The following AKR1C2 variants were observed in gnomAD, a reference collection of about 807,000 sequenced individuals.
The protein encoded by AKR1C2 is 3-alpha-HSD3.
In AKR1C2, 27 loss-of-function variants were observed where a neutral mutation model predicts 39.8. The ratio of observed to expected loss-of-function variants is 0.68; its 90% CI spans 0.50 to 0.93. The LOEUF is 0.93. Ranked by LOEUF, AKR1C2 falls within the 40% of genes least tolerant of loss-of-function variation. The probability of loss-of-function intolerance (pLI) is 0.00; values close to 1 mark genes in which losing one functional copy is unlikely to be tolerated. For missense variants in AKR1C2, 263 were observed against 365.1 expected, an observed-to-expected ratio of 0.72 and a Z score of 2.28; for synonymous variants, 114 against 137.9, an observed-to-expected ratio of 0.83 and a Z score of 1.22.
chr10:4,993,265 C>G (rs552161969), intron 7 of AKR1C2, among the ~76,000 whole-genome samples: 1 of 152,154 alleles, frequency 6.6e-6, no homozygotes, highest in Admixed American at 6.5e-5. Flanking sequence ...GGAAGTGAAA[C>G]TTACTTTTTA....
chr10:5,012,928 C>G lies in AKR1C2; in HGVS notation c.-88+4972G>C, dbSNP rs566936808. Among the ~76,000 whole-genome samples the G allele has an allele frequency of 2.6e-5, 4 of 152,304 alleles. No homozygotes were observed. In the South Asian group the frequency reaches 8.3e-4, roughly 32 times the overall value. ...TTCATTGTTTTCTTCAGGGACTTCTCAATTGTCTGGTGTATTTATAACCCA... is the reference window on the plus strand; with the variant it reads ...TTCATTGTTTTCTTCAGGGACTTCTGAATTGTCTGGTGTATTTATAACCCA... On this transcript the variant is annotated intron_variant, in intron 1 of 6. Coordinates refer to the AKR1C2 transcript ENST00000604507.
chr10:5,007,990 CAG>C (rs1837439121), upstream of AKR1C2, among the ~76,000 whole-genome samples: 1 of 151,262 alleles, frequency 6.6e-6, no homozygotes, highest in Non-Finnish European at 1.5e-5. Flanking sequence ...ACACTGGTGA[CAG>C]GGGTAGGCTT....
intron 1 of AKR1C2, chr10:5,013,478 AGTGGCC>A (rs1297750299): frequency 1.7e-5 from 3 of 180,858 alleles, no homozygotes; most frequent in African/African-American, 7.0e-5. Flanking sequence ...AAATGGCCCC[AGTGGCC>A]CTAAGGGCTC....
At chr10:4,996,276 ATG>A (rs1163074134) in intron 5 of AKR1C2, 1 of 194,798 alleles carries the variant, frequency 5.1e-6, no homozygotes, top group Non-Finnish European at 1.0e-5. Context: ...ATACATATAT[ATG>A]TATGTTTTCT....
At chr10:5,006,348 A>T (rs1837401539), upstream of AKR1C2, 1 of 152,258 alleles carries the variant, frequency 6.6e-6, no homozygotes. Context: ...ATCTTTAAAT[A>T]ACAAGAGATT....
intron 1 of AKR1C2, among the ~76,000 whole-genome samples, chr10:5,011,056 A>G (rs2131725358): frequency 6.6e-6 from 1 of 150,732 alleles, no homozygotes; most frequent in East Asian, 1.9e-4. Context: ...AAAAAAAATC[A>G]ACAGAGAACA....
intron 5 of AKR1C2, among the ~76,000 whole-genome samples, chr10:4,997,758 A>T (rs1245329515): frequency 2.0e-5 from 3 of 152,208 alleles, no homozygotes; most frequent in Non-Finnish European, 4.4e-5. Context: ...TAACAAAATT[A>T]TAACAAAAAA....
rs1836768383 is a variant in AKR1C2, at chr10:4,989,666, GGTT to G, written c.*327_*329del. Reference sequence around the variant, plus strand: ...CCCACTGCAGAAATGAATCTTAAATGGTTGTTAACATCTTCCAACCCCGGCCCT... The same window carrying G: ...CCCACTGCAGAAATGAATCTTAAATGGTTAACATCTTCCAACCCCGGCCCT... On this transcript the variant is annotated 3_prime_UTR_variant, in exon 9 of 9. Coordinates refer to ENST00000380753, the MANE Select transcript of AKR1C2 (RefSeq NM_001393392.1). 3.1e-6 allele frequency: 1 copy of G among 327,404 alleles called. No individual in the cohort carries two copies. The highest frequency in any genetic ancestry group is 5.6e-6 in the Non-Finnish European group (1 of 179,600). 20.3% of individuals were successfully genotyped at this position (327,404 alleles called of 1,614,324 possible).
At chr10:5,008,380 A>G (rs1225107872), upstream of AKR1C2, among the ~76,000 whole-genome samples, 4 of 151,744 alleles carry the variant, frequency 2.6e-5, no homozygotes, top group Admixed American at 6.6e-5. Flanking sequence ...TCAGGCCCAA[A>G]GCTCCCCTCC....
intron 5 of AKR1C2, among the ~76,000 whole-genome samples, chr10:4,998,051 T>C (rs1554773330): frequency 6.6e-6 from 1 of 152,236 alleles, no homozygotes; most frequent in Non-Finnish European, 1.5e-5. Context: ...TGTGAACAGA[T>C]ATCTCCATAA....
At chr10:5,014,541 A>G (rs1231047791) in intron 1 of AKR1C2, among the ~76,000 whole-genome samples, 1 of 152,138 alleles carries the variant, frequency 6.6e-6, no homozygotes, top group Non-Finnish European at 1.5e-5. Context: ...AACCTTTCTT[A>G]TCTTGAATAC....
At chr10:4,993,094 A>G (rs189749374) in intron 7 of AKR1C2, among the ~76,000 whole-genome samples, 2 of 152,370 alleles carry the variant, frequency 1.3e-5, no homozygotes, top group Non-Finnish European at 2.9e-5. Flanking sequence ...TTCTCTCTGC[A>G]TTGATCTGCA....
chr10:5,006,011 T>TAATC (rs1554774364), upstream of AKR1C2: 1 of 152,154 alleles, frequency 6.6e-6, no homozygotes, highest in Non-Finnish European at 1.5e-5. Flanking sequence ...GATGAAGATA[T>TAATC]AATCAATACA....
chr10:5,004,224 T>C (rs1222346192), upstream of AKR1C2, among the ~76,000 whole-genome samples: 1 of 152,252 alleles, frequency 6.6e-6, no homozygotes, highest in Non-Finnish European at 1.5e-5. Context: ...TCCTTCTGCA[T>C]CTTGCAGCAT....
intron 3 of AKR1C2, 194 bp downstream of exon 3, chr10:5,000,356 C>T (rs1265112557): frequency 3.2e-6 from 5 of 1,543,312 alleles, no homozygotes; most frequent in African/African-American, 1.4e-5. Context: ...TTCTTGTAGA[C>T]ATGCAATCAC....
At chr10:5,016,514 G>A (rs1201002704) in intron 1 of AKR1C2, among the ~76,000 whole-genome samples, 2 of 152,244 alleles carry the variant, frequency 1.3e-5, no homozygotes, top group Non-Finnish European at 2.9e-5. Context: ...ACTAATGCAA[G>A]AGGTGGGCTC....
At position 5,014,481 on chromosome 10, in the gene AKR1C2, T is replaced by G. The variant is rs113175194; in HGVS notation, c.-88+3419A>C. Among the ~76,000 whole-genome samples, 1,021 of 152,186 alleles carry G rather than the reference T, an allele frequency of 6.7e-3. 14 individuals carry two copies. The highest frequency in any genetic ancestry group is 0.023 in the African/African-American group (970 of 41,480). On this transcript the variant is annotated intron_variant, in intron 1 of 6. Coordinates refer to the AKR1C2 transcript ENST00000604507. Reference sequence around the variant, plus strand: ...TATCATGTGTATATTTTGGCATTGGTTGAACAAGGTGTGTTGGCATCCAAA... The same window carrying G: ...TATCATGTGTATATTTTGGCATTGGGTGAACAAGGTGTGTTGGCATCCAAA...
chr10:4,992,686 C>T (rs1331251861), intron 7 of AKR1C2, among the ~76,000 whole-genome samples: 1 of 147,502 alleles, frequency 6.8e-6, no homozygotes, highest in Admixed American at 6.6e-5. Flanking sequence ...CACGTTGGCT[C>T]ACGCCTATAA....
At chr10:4,999,433 T>A (rs1837179460) in intron 3 of AKR1C2, 156 bp from the exon 4 acceptor site, 2 of 1,533,988 alleles carry the variant, frequency 1.3e-6, no homozygotes, top group South Asian at 2.5e-5. Context: ...TATGAAGGTA[T>A]AAGGAATGTC....
Sources: gnomAD v4.1 joint callset for allele counts (sites outside exome capture counted in the v4.1 genomes callset) on GRCh38, gnomAD v4.1.1 for gene constraint, MANE v1.5 for transcripts, NCBI Gene and HGNC (gene_info 2026-07-23, HGNC 2026-07-21) for gene names.